The following JAK2 variants were observed in gnomAD, a reference collection of about 807,000 sequenced individuals.
The protein encoded by JAK2 is Janus kinase 2.
JAK2 carries 86 observed loss-of-function variants against 139.3 expected under a neutral mutation model. That is an observed-to-expected ratio of 0.62 (90% CI 0.52 to 0.74). The LOEUF (loss-of-function observed/expected upper bound fraction) is 0.74, where lower values mean the gene tolerates loss of function less well. JAK2 is among the 30% of genes least tolerant of loss of function. JAK2 has a pLI of 0.00. For synonymous variants in JAK2, 490 were observed against 437.7 expected (o/e 1.12, Z -1.49); for missense variants, 1,421 against 1,360.3 (o/e 1.04, Z -0.70).
chr9:4,988,474 A>G (rs115661618), intron 2 of JAK2, among the ~76,000 whole-genome samples: 111 of 152,326 alleles, frequency 7.3e-4, no homozygotes, highest in African/African-American at 2.4e-3. Context: ...ACTACTAAGT[A>G]AGTTGTTCAA....
At chr9:5,015,068 C>T (rs192879467) in intron 2 of JAK2, among the ~76,000 whole-genome samples, 30 of 152,218 alleles carry the variant, frequency 2.0e-4, no homozygotes, top group Admixed American at 1.0e-3. Context: ...GCTTTTGCAA[C>T]ATTGTATTTT....
chr9:5,089,582 C>T, intron 19 of JAK2, 92 bp from the exon 20 acceptor site: 1 of 356,958 alleles, frequency 2.8e-6, no homozygotes, highest in East Asian at 4.9e-5. Context: ...CTGCTAATTC[C>T]AGCTACTAGA....
intron 2 of JAK2, among the ~76,000 whole-genome samples, chr9:5,011,766 T>A (rs564493109): frequency 6.6e-6 from 1 of 152,322 alleles, no homozygotes; most frequent in Non-Finnish European, 1.5e-5. Flanking sequence ...TGAGTTTTGT[T>A]CTAGCAGGCA....
chr9:5,103,872 G>C (rs985362936), intron 22 of JAK2, among the ~76,000 whole-genome samples: 1 of 152,112 alleles, frequency 6.6e-6, no homozygotes, highest in Non-Finnish European at 1.5e-5. Context: ...AAACCAACGA[G>C]AACAAAGACA....
intron 2 of JAK2, among the ~76,000 whole-genome samples, chr9:5,019,906 C>G (rs1385069722): frequency 2.0e-5 from 3 of 152,180 alleles, no homozygotes. Context: ...TGGACTGATC[C>G]TCAGTCCTCA....
At chr9:4,993,831 G>C (rs1317954956) in intron 2 of JAK2, among the ~76,000 whole-genome samples, 2 of 152,208 alleles carry the variant, frequency 1.3e-5, no homozygotes, top group East Asian at 3.8e-4. Context: ...TGTTTGTGTG[G>C]AGTTTGGACA....
chr9:5,073,556 G>C (rs1819114961), intron 13 of JAK2, 142 bp from the exon 14 acceptor site: 9 of 658,654 alleles, frequency 1.4e-5, no homozygotes, highest in Non-Finnish European at 1.9e-5. Context: ...TCCATATAAA[G>C]GGACCAAAGC....
chr9:5,128,280 T>C lies in JAK2; in HGVS notation c.*1489T>C, dbSNP rs913889259. The C allele has an allele frequency of 4.4e-6, 1 of 227,956 alleles. No homozygotes were observed. Among genetic ancestry groups the C allele is most frequent in the Non-Finnish European group, 8.7e-6 (1 of 114,616 alleles). The allele number at this position is 227,956 out of a possible 1,614,324, so 14.1% of individuals were successfully genotyped here. On this transcript the variant is annotated 3_prime_UTR_variant, in exon 25 of 25. Transcript: ENST00000381652. ...AAGGAAGAAATGTTTTTTACATTCA[T>C]TATTATACTTAAAGCATTTTTAAAG...
chr9:5,126,068 G>A, intron 23 of JAK2: 1 of 273,892 alleles, frequency 3.7e-6, no homozygotes, highest in East Asian at 6.4e-5. Flanking sequence ...AAAACTCAAA[G>A]GAAATATGTT....
chr9:5,041,502 G>A (rs1017741334), intron 4 of JAK2: 10 of 576,476 alleles, frequency 1.7e-5, no homozygotes, highest in South Asian at 1.2e-4. Context: ...GAAGATCGGG[G>A]ACACATAGCG....
chr9:5,040,948 A>T (rs1042519611), intron 4 of JAK2: 2 of 452,328 alleles, frequency 4.4e-6, no homozygotes, highest in Admixed American at 3.2e-5. Context: ...GAGCCAAGGA[A>T]AGAATCTCTA....
chr9:5,099,129 G>T (rs1408437461), intron 22 of JAK2: 1 of 152,144 alleles, frequency 6.6e-6, no homozygotes, highest in Non-Finnish European at 1.5e-5. Context: ...AAGACATCCT[G>T]CACTCATGAA....
At chr9:5,041,236 G>C (rs1816482685) in intron 4 of JAK2, 1 of 1,465,588 alleles carries the variant, frequency 6.8e-7, no homozygotes, top group African/African-American at 1.4e-5. Flanking sequence ...CGGGGACCAA[G>C]CGGCAGCACG....
intron 4 of JAK2, chr9:5,041,238 G>A (rs894559416): frequency 5.5e-5 from 80 of 1,465,448 alleles, no homozygotes; most frequent in Non-Finnish European, 6.4e-5. Flanking sequence ...GGGACCAAGC[G>A]GCAGCACGCC....
rs945851558 is a variant in JAK2, at chr9:5,081,777, C to G, written c.2487C>G (p.Ala829=). 3 of 1,605,192 alleles carry G rather than the reference C, an allele frequency of 1.9e-6. No homozygotes were observed. The highest frequency in any genetic ancestry group is 2.6e-6 in the Non-Finnish European group (3 of 1,172,070). The part of the protein sequence containing the change: ...NDMLPNMRIG[A]LGFSGAFEDR... ...TGTTACCAAATATGAGGATAGGTGC[C>G]CTGGGGTTTTCTGGTGCCTTTGAAG... is the stretch of plus-strand genomic sequence containing the variant. Residue 829 remains alanine, a synonymous_variant, in exon 19 of 25, where the codon GCC becomes GCG. Transcript: ENST00000381652.
intron 14 of JAK2, among the ~76,000 whole-genome samples, chr9:5,076,589 G>C (rs1295733233): frequency 2.0e-5 from 3 of 152,022 alleles, no homozygotes; most frequent in African/African-American, 7.2e-5. Context: ...GTATATACAA[G>C]TTTTATATGC....
At chr9:5,077,051 T>C (rs1057144199) in intron 14 of JAK2, among the ~76,000 whole-genome samples, 3 of 152,028 alleles carry the variant, frequency 2.0e-5, no homozygotes, top group Non-Finnish European at 4.4e-5. Flanking sequence ...TCTATAGTAC[T>C]ATAGACAATT....
In JAK2 at chr9:5,053,986, T is replaced by A. The variant is rs1379398215; in HGVS notation, c.615-577T>A. Among the ~76,000 whole-genome samples the A allele has an allele frequency of 2.0e-5, 3 of 152,094 alleles. No individual in the cohort carries two copies. The East Asian group carries it at 5.8e-4, about 29-fold the overall frequency. On this transcript the variant is annotated intron_variant, in intron 6 of 24. Transcript: ENST00000381652. ...AAATAAATTACCTTCTTTAGAATAT[T>A]GTACATAGAGATGAATGTACAGAAA...
chr9:5,119,949 TAA>T (rs1033176463), intron 22 of JAK2, among the ~76,000 whole-genome samples: 5 of 152,218 alleles, frequency 3.3e-5, no homozygotes, highest in African/African-American at 9.6e-5. Flanking sequence ...ATTGATAAAA[TAA>T]GTTTGAGCTA....
Sources: allele counts gnomAD v4.1 joint callset (sites outside exome capture counted in the v4.1 genomes callset), GRCh38; gene constraint gnomAD v4.1.1; transcripts MANE v1.5; gene names NCBI Gene and HGNC (gene_info 2026-07-23, HGNC 2026-07-21).